Variants in GPC6 observed in about 807,000 individuals in gnomAD.
The protein encoded by GPC6 is glypican-6.
In GPC6, 14 loss-of-function variants were observed where a neutral mutation model predicts 55.2. The observed-to-expected ratio is 0.25, with a 90% CI of 0.17 to 0.40. The LOEUF is 0.40. GPC6 is among the 10% of genes least tolerant of loss of function. GPC6 has a pLI of 1.00. For synonymous variants in GPC6, 278 were observed against 259.6 expected, an observed-to-expected ratio of 1.07 and a Z score of -0.68; for missense variants, 641 against 708.5, an observed-to-expected ratio of 0.90 and a Z score of 1.08.
chr13:93,349,402 C>T (rs1880548552), intron 1 of GPC6, among the ~76,000 whole-genome samples: 1 of 152,062 alleles, frequency 6.6e-6, no homozygotes, highest in Non-Finnish European at 1.5e-5. Context: ...AAGCCTTATT[C>T]ATTAAACAGA....
At chr13:94,073,369 A>T (rs961129466) in intron 4 of GPC6, among the ~76,000 whole-genome samples, 3 of 152,214 alleles carry the variant, frequency 2.0e-5, no homozygotes, top group African/African-American at 7.2e-5. Context: ...TACTTAAAAT[A>T]AAATACTTTC....
chr13:93,488,833 T>C (rs529280194), intron 1 of GPC6, among the ~76,000 whole-genome samples: 2 of 152,304 alleles, frequency 1.3e-5, no homozygotes, highest in East Asian at 3.9e-4. Flanking sequence ...TTTTTTCTTG[T>C]ACGTGTGTTT....
chr13:93,972,603 T>G lies in GPC6; in HGVS notation c.712-55126T>G, dbSNP rs997204093. On this transcript the variant is annotated intron_variant, in intron 3 of 8. Transcript: ENST00000377047. ...GCACGAATCCAGAGTAGACAGTTAC[T>G]GTGAGTTCTCTCTTCTACTTTTTGA... 3.3e-5 allele frequency among the ~76,000 whole-genome samples: 5 copies of G among 152,162 alleles called. No individual in the cohort carries two copies. In the South Asian group the frequency reaches 1.0e-3, roughly 32 times the overall value.
At chr13:94,031,970 T>C (rs1883157922) in intron 4 of GPC6, among the ~76,000 whole-genome samples, 1 of 152,174 alleles carries the variant, frequency 6.6e-6, no homozygotes, top group South Asian at 2.1e-4. Context: ...CTTCTAAGAT[T>C]TTATAGACTA....
chr13:93,402,048 T>A (rs1008302899), intron 1 of GPC6, among the ~76,000 whole-genome samples: 1 of 152,154 alleles, frequency 6.6e-6, no homozygotes, highest in Non-Finnish European at 1.5e-5. Flanking sequence ...ATTGGTTAAC[T>A]AACTGGTCCA....
chr13:93,299,319 G>A (rs1294907720), intron 1 of GPC6, among the ~76,000 whole-genome samples: 1 of 152,166 alleles, frequency 6.6e-6, no homozygotes, highest in Non-Finnish European at 1.5e-5. Context: ...ATGTTTGTGG[G>A]CAGTGCAGAG....
chr13:93,371,462 A>G (rs1438865410), intron 1 of GPC6, among the ~76,000 whole-genome samples: 1 of 152,164 alleles, frequency 6.6e-6, no homozygotes, highest in Non-Finnish European at 1.5e-5. Context: ...TGCAAGTTAT[A>G]AAGTATAATC....
At chr13:94,142,297 G>A (rs1038493060) in intron 4 of GPC6, among the ~76,000 whole-genome samples, 7 of 152,262 alleles carry the variant, frequency 4.6e-5, no homozygotes, top group African/African-American at 1.2e-4. Flanking sequence ...GGGAGATTTC[G>A]AAGTGATGTA....
At chr13:93,831,429 G>A (rs186265038) in intron 3 of GPC6, among the ~76,000 whole-genome samples, 2 of 152,194 alleles carry the variant, frequency 1.3e-5, no homozygotes, top group African/African-American at 4.8e-5. Flanking sequence ...ACAGGAATCT[G>A]GTATTATGTC....
intron 3 of GPC6, among the ~76,000 whole-genome samples, chr13:93,875,573 G>C (rs530135566): frequency 6.6e-6 from 1 of 152,200 alleles, no homozygotes; most frequent in Admixed American, 6.5e-5. Flanking sequence ...TGAGGAAAGG[G>C]AATGTGTCTT....
chr13:93,400,872 G>A (rs1043701589), intron 1 of GPC6, among the ~76,000 whole-genome samples: 6 of 152,274 alleles, frequency 3.9e-5, no homozygotes, highest in African/African-American at 1.4e-4. Flanking sequence ...GTAGAGATAG[G>A]AAAGTTGAGG....
At chr13:93,267,199 G>T (rs969484539) in intron 1 of GPC6, among the ~76,000 whole-genome samples, 1 of 152,092 alleles carries the variant, frequency 6.6e-6, no homozygotes, top group Non-Finnish European at 1.5e-5. Context: ...TTAGGATCTT[G>T]ATGAATTCAA....
chr13:93,367,672 T>C (rs1881298803), intron 1 of GPC6, among the ~76,000 whole-genome samples: 1 of 152,148 alleles, frequency 6.6e-6, no homozygotes, highest in Non-Finnish European at 1.5e-5. Flanking sequence ...CTCTTGCAAC[T>C]AACTGCCTCT....
intron 4 of GPC6, among the ~76,000 whole-genome samples, chr13:94,159,691 C>T (rs1230097879): frequency 6.6e-6 from 1 of 152,126 alleles, no homozygotes; most frequent in Non-Finnish European, 1.5e-5. Context: ...AGTTGAAGCT[C>T]CATTATGGAA....
chr13:94,139,648 T>G (rs910329953), intron 4 of GPC6, among the ~76,000 whole-genome samples: 1 of 152,184 alleles, frequency 6.6e-6, no homozygotes, highest in Admixed American at 6.5e-5. Context: ...ACATTTAGCT[T>G]TAACCATGGT....
the GPC6 span, among the ~76,000 whole-genome samples, chr13:93,217,923 T>G: frequency 5.3e-5 from 8 of 152,170 alleles, no homozygotes; most frequent in Non-Finnish European, 1.0e-4. Context: ...GGAAGACAGT[T>G]TACCAATTAA....
At chr13:93,725,663 A>G (rs1364074917) in intron 2 of GPC6, among the ~76,000 whole-genome samples, 1 of 152,054 alleles carries the variant, frequency 6.6e-6, no homozygotes, top group Non-Finnish European at 1.5e-5. Context: ...AATCATCAAT[A>G]TTAGAGTCAT....
rs183129129 is a variant in GPC6 at position 93,649,848 on chromosome 13, A to G, written c.319+104427A>G. 5.4e-4 allele frequency among the ~76,000 whole-genome samples: 82 copies of G among 152,304 alleles called. 1 individual carries two copies. In the East Asian group the frequency reaches 0.014, roughly 26 times the overall value. The stretch of plus-strand genomic sequence containing the variant: ...ACTCCTGTCATGTGGCTAAAACACA[A>G]TATTTTAAATATCCAAGGTCTTTTG... On this transcript the variant is annotated intron_variant, in intron 2 of 8. Coordinates refer to ENST00000377047, the MANE Select transcript of GPC6 (RefSeq NM_005708.5).
chr13:93,667,387 A>G (rs999259983), intron 2 of GPC6, among the ~76,000 whole-genome samples: 16 of 152,122 alleles, frequency 1.1e-4, no homozygotes, highest in African/African-American at 3.9e-4. Flanking sequence ...ACTCAAAGCA[A>G]TGCCTAATTA....
Sources: allele counts gnomAD v4.1 joint callset (sites outside exome capture counted in the v4.1 genomes callset), GRCh38; gene constraint gnomAD v4.1.1; transcripts MANE v1.5; gene names NCBI Gene and HGNC (gene_info 2026-07-23, HGNC 2026-07-21).